Variants in SLC35G1 observed in about 807,000 individuals in gnomAD.
SLC35G1 encodes solute carrier family 35 member G1.
Under a neutral mutation model 17.1 loss-of-function variants are expected in SLC35G1, and 10 were observed. That is an observed-to-expected ratio of 0.59 (90% CI 0.36 to 0.99). SLC35G1 has a LOEUF of 0.99. Among genes scored for constraint, SLC35G1 ranks in the 50% least tolerant of loss-of-function variants. SLC35G1 has a pLI of 0.01. For synonymous variants in SLC35G1, 185 were observed against 181.1 expected, an observed-to-expected ratio of 1.02 and a Z score of -0.18; for missense variants, 433 against 468.4, an observed-to-expected ratio of 0.92 and a Z score of 0.70.
rs763513885 is a variant in SLC35G1 at position 93,900,749 on chromosome 10, C to T, written c.360-3C>T. ...ATATGCATTTCTTCATTTGAATTTA[C>T]AGAACTGGGTTTATAGGCCCAAAAG... On this transcript the variant is annotated splice_region_variant and splice_polypyrimidine_tract_variant and intron_variant, in intron 2 of 2. Transcript: ENST00000427197. The T allele has an allele frequency of 2.6e-6, 4 of 1,531,704 alleles. No individual in the cohort carries two copies. The highest frequency in any genetic ancestry group is 4.6e-5 in the East Asian group (2 of 43,104). The allele number at this position is 1,531,704 out of a possible 1,614,324, so 94.9% of individuals were successfully genotyped here. A position where few individuals can be genotyped will look rare whatever the true frequency, so the allele number is the denominator to read the frequency against.
rs1436697517 is a variant in SLC35G1 at position 93,901,312 on chromosome 10, A to T, written c.920A>T (p.Gln307Leu). The part of the protein sequence containing the change: ...GGQIFITKAL[Q>L]IEKAGPVAIM... ...CAGATATTTATCACAAAAGCACTTC[A>T]AATAGAAAAAGCAGGGCCAGTAGCA... The change falls in exon 3 of 3, where the codon CAA becomes CTA. Residue 307 changes from glutamine to leucine, a missense_variant. Physicochemically the swap from Gln to Leu is moderately radical, Grantham distance 113 (BLOSUM62 -2). Coordinates refer to ENST00000427197, the MANE Select transcript of SLC35G1 (RefSeq NM_001134658.3). The T allele has an allele frequency of 1.2e-6, 2 of 1,613,970 alleles. No homozygotes were observed. Among genetic ancestry groups the T allele is most frequent in the South Asian group, 1.1e-5 (1 of 91,042 alleles).
intron 1 of SLC35G1, among the ~76,000 whole-genome samples, chr10:93,895,500 C>T (rs1327155242): frequency 6.6e-6 from 1 of 152,186 alleles, no homozygotes; most frequent in Non-Finnish European, 1.5e-5. Flanking sequence ...AAGAGGAATT[C>T]TCTACTCCCA....
In SLC35G1 at chr10:93,903,030, A is replaced by G. The variant is rs1319957054; in HGVS notation, c.*1540A>G. 6.6e-6 allele frequency: 1 copy of G among 152,148 alleles called. No individual in the cohort carries two copies. The highest frequency in any genetic ancestry group is 6.6e-5 in the Admixed American group (1 of 15,262). The allele number at this position is 152,148 out of a possible 1,614,324, so 9.4% of individuals were successfully genotyped here. A position where few individuals can be genotyped will look rare whatever the true frequency, so the allele number is the denominator to read the frequency against. On this transcript the variant is annotated 3_prime_UTR_variant, in exon 3 of 3. Transcript: ENST00000427197. Reference sequence around the variant, plus strand: ...CTTAAGCCTGCAGAGTTGAAAGGTTATAGGCTCTTTCCTACCCTCTCATCA... The same window carrying G: ...CTTAAGCCTGCAGAGTTGAAAGGTTGTAGGCTCTTTCCTACCCTCTCATCA...
In SLC35G1 at chr10:93,894,132, C is replaced by T; in HGVS notation, c.99C>T (p.Ala33=). ...CGGGCGCCACTGAGGAGCCGGCGGCCGCCGAGGCAGCTGGGGCGCCAGACC... is the reference window on the plus strand; with the variant it reads ...CGGGCGCCACTGAGGAGCCGGCGGCTGCCGAGGCAGCTGGGGCGCCAGACC... The part of the protein sequence containing the change: ...APPGATEEPA[A]AEAAGAPDRG... The change falls in exon 1 of 3, where the codon GCC becomes GCT. Residue 33 remains alanine (A), a synonymous_variant. Coordinates refer to ENST00000427197, the MANE Select transcript of SLC35G1 (RefSeq NM_001134658.3). 7 of 1,484,998 alleles carry T rather than the reference C, an allele frequency of 4.7e-6. No homozygotes were observed. Among genetic ancestry groups the T allele is most frequent in the Non-Finnish European group, 6.2e-6 (7 of 1,125,310 alleles). 92.0% of individuals were successfully genotyped at this position (1,484,998 alleles called of 1,614,324 possible).
downstream of SLC35G1, chr10:93,908,269 C>T (rs563376488): frequency 6.6e-6 from 1 of 152,336 alleles, no homozygotes; most frequent in East Asian, 1.9e-4. Context: ...CTCATTCCCT[C>T]ACCAACCTTG....
chr10:93,908,185 C>A (rs1171117852), downstream of SLC35G1: 1 of 152,236 alleles, frequency 6.6e-6, no homozygotes, highest in African/African-American at 2.4e-5. Context: ...GGCACCAAAA[C>A]AATTTTTACT....
At chr10:93,904,448 A>G (rs772125520), downstream of SLC35G1, among the ~76,000 whole-genome samples, 1 of 152,188 alleles carries the variant, frequency 6.6e-6, no homozygotes, top group East Asian at 1.9e-4. Flanking sequence ...CTACATCCCA[A>G]CACAAATGGG....
At position 93,900,744 on chromosome 10, in the gene SLC35G1, A is replaced by G. The variant is rs1564592340; in HGVS notation, c.360-8A>G. On this transcript the variant is annotated splice_region_variant and splice_polypyrimidine_tract_variant and intron_variant, in intron 2 of 2. Transcript: ENST00000427197. ...ATTTAATATGCATTTCTTCATTTGAATTTACAGAACTGGGTTTATAGGCCC... is the reference window on the plus strand; with the variant it reads ...ATTTAATATGCATTTCTTCATTTGAGTTTACAGAACTGGGTTTATAGGCCC... 1.3e-6 allele frequency: 2 copies of G among 1,527,166 alleles called. No homozygotes were observed. Among genetic ancestry groups the G allele is most frequent in the South Asian group, 2.6e-5 (2 of 76,014 alleles). The allele number at this position is 1,527,166 out of a possible 1,614,324, so 94.6% of individuals were successfully genotyped here.
At chr10:93,899,752 G>C (rs925647610) in intron 2 of SLC35G1, among the ~76,000 whole-genome samples, 65 of 152,250 alleles carry the variant, frequency 4.3e-4, no homozygotes, top group African/African-American at 1.5e-3. Flanking sequence ...AAGAAATGAT[G>C]GTAGGGCTTT....
At chr10:93,899,025 CT>C (rs2060357149) in intron 2 of SLC35G1, among the ~76,000 whole-genome samples, 1 of 152,134 alleles carries the variant, frequency 6.6e-6, no homozygotes, top group Non-Finnish European at 1.5e-5. Flanking sequence ...TTCCTCTTGT[CT>C]TGTATCACCC....
intron 1 of SLC35G1, 40 bp downstream of exon 1, chr10:93,894,251 G>T: frequency 7.7e-7 from 1 of 1,304,758 alleles, no homozygotes; most frequent in Non-Finnish European, 9.7e-7. Context: ...TCTCGCTCGG[G>T]GGTCCCGAGC....
chr10:93,894,312 C>T lies in SLC35G1; in HGVS notation c.178+101C>T, dbSNP rs895260224. 186 of 1,140,246 alleles carry T rather than the reference C, an allele frequency of 1.6e-4. No individual in the cohort carries two copies. In the East Asian group the frequency reaches 6.0e-3, roughly 36 times the overall value. 70.6% of individuals were successfully genotyped at this position (1,140,246 alleles called of 1,614,324 possible). A position where few individuals can be genotyped will look rare whatever the true frequency, so the allele number is the denominator to read the frequency against. ...CAACCCGGGCACAGTGCCCGCCGCG[C>T]CTCCGTCCCCACCCTGCCCGGGGCT... On this transcript the variant is annotated intron_variant, in intron 1 of 2. Coordinates refer to ENST00000427197, the MANE Select transcript of SLC35G1 (RefSeq NM_001134658.3).
At position 93,894,117 on chromosome 10, in the gene SLC35G1, T is replaced by G; in HGVS notation, c.84T>G (p.Thr28=). The G allele has an allele frequency of 6.7e-7, 1 of 1,486,762 alleles. No individual in the cohort carries two copies. The highest frequency in any genetic ancestry group is 8.9e-7 in the Non-Finnish European group (1 of 1,126,142). The allele number at this position is 1,486,762 out of a possible 1,614,324, so 92.1% of individuals were successfully genotyped here. A position where few individuals can be genotyped will look rare whatever the true frequency, so the allele number is the denominator to read the frequency against. ...PLTDDAPPGA[T]EEPAAAEAAG... ...CGGACGATGCACCCCCGGGCGCCAC[T>G]GAGGAGCCGGCGGCCGCCGAGGCAG... The change falls in exon 1 of 3, where the codon ACT becomes ACG. Residue 28 remains threonine (T), a synonymous_variant. Transcript: ENST00000427197.
chr10:93,896,737 G>A (rs911432059), intron 1 of SLC35G1, among the ~76,000 whole-genome samples: 1 of 152,088 alleles, frequency 6.6e-6, no homozygotes. Flanking sequence ...AGGTCACTAG[G>A]GCCAAGGGGG....
At chr10:93,908,612 T>A (rs2060441750), downstream of SLC35G1, 1 of 152,164 alleles carries the variant, frequency 6.6e-6, no homozygotes, top group Admixed American at 6.5e-5. Context: ...ATATTTCAGT[T>A]TTATTTCTTC....
In SLC35G1 at chr10:93,901,007, T is replaced by C. The variant is rs1248724902; in HGVS notation, c.615T>C (p.Phe205=). ...TGATCCTTATCGTGAGACCACCATT[T>C]TTGTTTGGTTCCGACACTTCGGGGA... The part of the protein sequence containing the change: ...TGVILIVRPP[F]LFGSDTSGME... The change falls in exon 3 of 3, where the codon TTT becomes TTC. Residue 205 remains phenylalanine (F), a synonymous_variant. Coordinates refer to ENST00000427197, the MANE Select transcript of SLC35G1 (RefSeq NM_001134658.3). The C allele has an allele frequency of 6.2e-7, 1 of 1,613,970 alleles. No individual in the cohort carries two copies. Among genetic ancestry groups the C allele is most frequent in the Non-Finnish European group, 8.5e-7 (1 of 1,179,986 alleles).
chr10:93,894,568 G>A (rs2060312105), intron 1 of SLC35G1, among the ~76,000 whole-genome samples: 1 of 152,082 alleles, frequency 6.6e-6, no homozygotes, highest in Non-Finnish European at 1.5e-5. Flanking sequence ...GCAGTGGGGC[G>A]ACGTTGCGAG....
Position 93,901,290 on chromosome 10 carries a change from A to G in SLC35G1, c.898A>G (p.Ile300Val). 6.2e-7 allele frequency: 1 copy of G among 1,613,958 alleles called. No individual in the cohort carries two copies. The highest frequency in any genetic ancestry group is 8.5e-7 in the Non-Finnish European group (1 of 1,179,932). ...TGGGCTCTTTGGTTTGGGGGGTCAG[A>G]TATTTATCACAAAAGCACTTCAAAT... The part of the protein sequence containing the change: ...FIGLFGLGGQ[I>V]FITKALQIEK... The change falls in exon 3 of 3, where the codon ATA becomes GTA. Residue 300 changes from isoleucine (I) to valine (V), a missense_variant. Transcript: ENST00000427197.
Position 93,894,073 on chromosome 10 carries a change from G to C in SLC35G1, c.40G>C (p.Glu14Gln). ...QDSTGVAELQEPGLPLTDDAP... is the reference protein window; with the variant it reads ...QDSTGVAELQQPGLPLTDDAP... ...CAGCACCGGGGTCGCGGAGCTCCAGGAGCCCGGGCTGCCGCTAACGGACGA... is the reference window on the plus strand; with the variant it reads ...CAGCACCGGGGTCGCGGAGCTCCAGCAGCCCGGGCTGCCGCTAACGGACGA... Residue 14 changes from glutamate (E) to glutamine (Q), a missense_variant, in exon 1 of 3, where the codon GAG becomes CAG. Physicochemically the swap from Glu to Gln is conservative, Grantham distance 29 (BLOSUM62 2). Coordinates refer to ENST00000427197, the MANE Select transcript of SLC35G1 (RefSeq NM_001134658.3). 6.7e-7 allele frequency: 1 copy of C among 1,483,224 alleles called. No homozygotes were observed. The allele number at this position is 1,483,224 out of a possible 1,614,324, so 91.9% of individuals were successfully genotyped here.
Sources: gnomAD v4.1 joint callset for allele counts (sites outside exome capture counted in the v4.1 genomes callset) on GRCh38, gnomAD v4.1.1 for gene constraint, MANE v1.5 for transcripts, NCBI Gene and HGNC (gene_info 2026-07-23, HGNC 2026-07-21) for gene names.